Variants in PPFIBP2 observed in about 807,000 individuals in gnomAD.
PPFIBP2 encodes the protein PPFIB scaffold protein 2, also known as liprin-beta-2.
PPFIBP2 carries 118 observed loss-of-function variants against 118.3 expected under a neutral mutation model. The observed-to-expected ratio is 1.00, with a 90% CI of 0.86 to 1.16. PPFIBP2 has a LOEUF of 1.16. PPFIBP2 is among the 50% of genes most tolerant of loss of function. The pLI, the probability that PPFIBP2 is intolerant of heterozygous loss-of-function variation, is 0.00. For missense variants in PPFIBP2, 1,195 were observed against 1,073.1 expected (o/e 1.11, Z -1.59); for synonymous variants, 414 against 397.4 (o/e 1.04, Z -0.50).
intron 2 of PPFIBP2, among the ~76,000 whole-genome samples, chr11:7,553,263 T>C (rs1350898347): frequency 6.6e-6 from 1 of 152,180 alleles, no homozygotes; most frequent in Non-Finnish European, 1.5e-5. Context: ...GTATGTCCCA[T>C]GAACCATCCC....
At position 7,567,892 on chromosome 11, in the gene PPFIBP2, A is replaced by G. The variant is rs371029936; in HGVS notation, c.279+2125A>G. On this transcript the variant is annotated intron_variant, in intron 3 of 23. Transcript: ENST00000299492. Reference sequence around the variant, plus strand: ...CTGAACCATCTCCAGGTGACTCGTAAGCACATTAAAGTTTAAGAAGCGCTG... The same window carrying G: ...CTGAACCATCTCCAGGTGACTCGTAGGCACATTAAAGTTTAAGAAGCGCTG... Among the ~76,000 whole-genome samples, 21 of 152,352 alleles carry G rather than the reference A, an allele frequency of 1.4e-4. No homozygotes were observed. In the South Asian group the frequency reaches 4.1e-3, roughly 30 times the overall value.
chr11:7,608,990 C>A (rs986924505), intron 5 of PPFIBP2, among the ~76,000 whole-genome samples: 9 of 152,192 alleles, frequency 5.9e-5, no homozygotes, highest in Non-Finnish European at 1.0e-4. Flanking sequence ...GCCTCCTTAC[C>A]CCAGAGCTCG....
chr11:7,621,120 T>G, intron 7 of PPFIBP2, 93 bp downstream of exon 7: 1 of 977,668 alleles, frequency 1.0e-6, no homozygotes, highest in South Asian at 1.4e-5. Flanking sequence ...AGCCTAAGTT[T>G]GAAAATGCAA....
intron 4 of PPFIBP2, among the ~76,000 whole-genome samples, chr11:7,595,221 C>T (rs895669913): frequency 3.9e-5 from 6 of 152,108 alleles, no homozygotes; most frequent in African/African-American, 1.4e-4. Context: ...AAGGGTGGTG[C>T]GAGCTGCCTT....
chr11:7,567,938 G>C (rs1855193818), intron 3 of PPFIBP2, among the ~76,000 whole-genome samples: 2 of 152,200 alleles, frequency 1.3e-5, no homozygotes, highest in Admixed American at 1.3e-4. Context: ...TGGAGACTCA[G>C]TTGAATTATT....
chr11:7,637,565 G>A (rs1294707953), intron 14 of PPFIBP2, among the ~76,000 whole-genome samples: 1 of 152,204 alleles, frequency 6.6e-6, no homozygotes, highest in Non-Finnish European at 1.5e-5. Context: ...CTGCTTCTCT[G>A]TTGTAATTTA....
intron 11 of PPFIBP2, 118 bp downstream of exon 11, chr11:7,631,146 AAT>A: frequency 6.6e-6 from 5 of 757,600 alleles, no homozygotes; most frequent in Non-Finnish European, 1.1e-5. Context: ...TGAATACTTA[AAT>A]TAATATAGTG....
chr11:7,556,836 CTG>C (rs1336407618), intron 2 of PPFIBP2, among the ~76,000 whole-genome samples: 21 of 152,322 alleles, frequency 1.4e-4, no homozygotes, highest in Non-Finnish European at 2.9e-4. Context: ...GTCTGGCAAT[CTG>C]TATCTGTCTT....
chr11:7,665,833 G>T, the PPFIBP2 span: 1 of 1,534,902 alleles, frequency 6.5e-7, no homozygotes, highest in Non-Finnish European at 8.7e-7. Context: ...ATACCGAGGT[G>T]TGTGAATCAG....
chr11:7,636,607 C>T (rs939820891), intron 14 of PPFIBP2, among the ~76,000 whole-genome samples: 3 of 152,162 alleles, frequency 2.0e-5, no homozygotes, highest in Non-Finnish European at 4.4e-5. Context: ...AGGTCATTCG[C>T]AGGTGTTTCT....
chr11:7,659,356 T>TACATATGGCTAGCCAGTTTTCC (rs1854841884), downstream of PPFIBP2, among the ~76,000 whole-genome samples: 3 of 146,328 alleles, frequency 2.1e-5, no homozygotes, highest in Admixed American at 2.0e-4. Context: ...TTCAGCTTTC[T>TACATATGGCTAGCCAGTTTTCC]ACATATGGCT....
chr11:7,642,983 G>T (rs974110037), intron 17 of PPFIBP2, among the ~76,000 whole-genome samples: 7 of 152,164 alleles, frequency 4.6e-5, no homozygotes, highest in Non-Finnish European at 1.0e-4. Flanking sequence ...CATGAGACCT[G>T]GGACCTTTCC....
chr11:7,596,487 G>C (rs1027596109), intron 4 of PPFIBP2, among the ~76,000 whole-genome samples: 2 of 151,692 alleles, frequency 1.3e-5, no homozygotes, highest in Non-Finnish European at 2.9e-5. Context: ...TAATCATTTG[G>C]GAAAATAAAA....
intron 6 of PPFIBP2, among the ~76,000 whole-genome samples, chr11:7,614,287 C>T (rs1017031720): frequency 2.6e-5 from 4 of 152,216 alleles, no homozygotes; most frequent in African/African-American, 7.2e-5. Context: ...AGTTTGTATC[C>T]GTCCAGAGTT....
Position 7,616,980 on chromosome 11 carries a change from G to T in PPFIBP2, c.619-3955G>T. On this transcript the variant is annotated intron_variant, in intron 6 of 23. Coordinates refer to ENST00000299492, the MANE Select transcript of PPFIBP2 (RefSeq NM_003621.5). The surrounding 1 kb of genome is among the most constrained non-coding windows in gnomAD (Gnocchi z 5.2). The stretch of plus-strand genomic sequence containing the variant: ...CTGTTGTGGAAAGTGGAGGGCCGTC[G>T]ACAGTGACCACTGAGTGCCACCTGC... 1 of 301,098 alleles carries T rather than the reference G, an allele frequency of 3.3e-6. No homozygotes were observed. The highest frequency in any genetic ancestry group is 4.9e-6 in the Non-Finnish European group (1 of 204,438). 18.7% of individuals were successfully genotyped at this position (301,098 alleles called of 1,614,324 possible).
At chr11:7,618,201 G>A (rs1371331852) in intron 6 of PPFIBP2, among the ~76,000 whole-genome samples, 1 of 152,200 alleles carries the variant, frequency 6.6e-6, no homozygotes, top group Non-Finnish European at 1.5e-5. Context: ...GGACAGCGGG[G>A]AAATAGGAAA....
intron 3 of PPFIBP2, among the ~76,000 whole-genome samples, chr11:7,585,143 C>T (rs1857905195): frequency 6.6e-6 from 1 of 152,182 alleles, no homozygotes; most frequent in Non-Finnish European, 1.5e-5. Flanking sequence ...AGTGTATGTA[C>T]TGTGGCCAAG....
At chr11:7,547,698 G>C (rs1460695930) in intron 1 of PPFIBP2, among the ~76,000 whole-genome samples, 1 of 151,980 alleles carries the variant, frequency 6.6e-6, no homozygotes, top group Non-Finnish European at 1.5e-5. Context: ...TCTGGCTCCT[G>C]CCAGGGCCCT....
chr11:7,665,383 G>A, the PPFIBP2 span: 55 of 1,570,186 alleles, frequency 3.5e-5, no homozygotes, highest in African/African-American at 5.9e-4. Flanking sequence ...GTTAGTAGGT[G>A]AAAATCATGT....
Sources: gnomAD v4.1 joint callset for allele counts (sites outside exome capture counted in the v4.1 genomes callset) on GRCh38, gnomAD v4.1.1 for gene constraint, Gnocchi (gnomAD v3.1) non-coding constraint, MANE v1.5 for transcripts, NCBI Gene and HGNC (gene_info 2026-07-23, HGNC 2026-07-21) for gene names.